Variants in LRP1B observed in about 807,000 individuals in gnomAD.
LRP1B encodes LDL receptor related protein 1B, also known as low-density lipoprotein receptor-related protein 1B.
LRP1B carries 217 observed loss-of-function variants against 556.6 expected under a neutral mutation model. The observed-to-expected ratio is 0.39, with a 90% CI of 0.35 to 0.44. The LOEUF (loss-of-function observed/expected upper bound fraction) is 0.44, where lower values mean the gene tolerates loss of function less well. LRP1B is among the 20% of genes least tolerant of loss of function. LRP1B has a pLI of 1.00. For synonymous variants in LRP1B, 2,047 were observed against 1,865.8 expected (o/e 1.10, Z -2.50); for missense variants, 5,053 against 5,620.8 (o/e 0.90, Z 3.23).
chr2:140,631,096 A>C (rs1559018496), intron 41 of LRP1B, among the ~76,000 whole-genome samples: 1 of 152,198 alleles, frequency 6.6e-6, no homozygotes, highest in Non-Finnish European at 1.5e-5. Flanking sequence ...GCAGAAGAGA[A>C]AAAGACAAGG....
At chr2:141,375,136 A>T (rs1418321015) in intron 3 of LRP1B, among the ~76,000 whole-genome samples, 2 of 152,098 alleles carry the variant, frequency 1.3e-5, no homozygotes, top group South Asian at 4.2e-4. Context: ...CTTCTTTAGC[A>T]ATACACATAG....
At chr2:140,932,361 T>A (rs960787099) in intron 20 of LRP1B, among the ~76,000 whole-genome samples, 8 of 152,082 alleles carry the variant, frequency 5.3e-5, no homozygotes, top group Admixed American at 2.0e-4. Context: ...CACCTGTTTG[T>A]GTAAATAAAG....
chr2:140,966,586 G>T (rs906030737), intron 18 of LRP1B, among the ~76,000 whole-genome samples: 3 of 152,154 alleles, frequency 2.0e-5, no homozygotes, highest in African/African-American at 7.2e-5. Flanking sequence ...TGTTGCCATT[G>T]CTTTTGGTGT....
At chr2:140,799,907 G>A (rs564882482) in intron 32 of LRP1B, among the ~76,000 whole-genome samples, 1 of 152,060 alleles carries the variant, frequency 6.6e-6, no homozygotes, top group African/African-American at 2.4e-5. Flanking sequence ...CGGACAGTGG[G>A]TGCAGGACAG....
intron 84 of LRP1B, among the ~76,000 whole-genome samples, chr2:140,294,607 A>AGG (rs1369732506): frequency 2.6e-5 from 4 of 152,196 alleles, no homozygotes; most frequent in African/African-American, 9.6e-5. Flanking sequence ...GGCTCTATAT[A>AGG]GGGAAGGGCA....
intron 69 of LRP1B, 47 bp from the exon 70 acceptor site, chr2:140,371,332 G>T (rs755817541): frequency 2.9e-6 from 3 of 1,027,350 alleles, no homozygotes; most frequent in South Asian, 3.4e-5. Context: ...AAAAATAACA[G>T]GTTTTAGAAA....
At chr2:141,391,254 C>T (rs1252476810) in intron 3 of LRP1B, among the ~76,000 whole-genome samples, 1 of 152,098 alleles carries the variant, frequency 6.6e-6, no homozygotes, top group Non-Finnish European at 1.5e-5. Flanking sequence ...TAGCCTAGTA[C>T]CTTCTACAGT....
chr2:141,286,250 G>T (rs191016994), intron 3 of LRP1B, among the ~76,000 whole-genome samples: 276 of 152,120 alleles, frequency 1.8e-3, no homozygotes, highest in African/African-American at 6.2e-3. Context: ...ATAGAGTTAA[G>T]TATATTGTAT....
chr2:141,782,003 T>G (rs1695270900), intron 2 of LRP1B, among the ~76,000 whole-genome samples: 1 of 152,210 alleles, frequency 6.6e-6, no homozygotes, highest in African/African-American at 2.4e-5. Flanking sequence ...TCTTTGGAAG[T>G]TGGTCTCTGA....
At chr2:140,292,057 C>T (rs1683411135) in intron 84 of LRP1B, among the ~76,000 whole-genome samples, 1 of 152,060 alleles carries the variant, frequency 6.6e-6, no homozygotes, top group Admixed American at 6.6e-5. Flanking sequence ...TCTCTGATGG[C>T]CAGTGATGAT....
At chr2:140,630,598 T>G (rs1388355557) in intron 41 of LRP1B, among the ~76,000 whole-genome samples, 1 of 152,190 alleles carries the variant, frequency 6.6e-6, no homozygotes, top group Non-Finnish European at 1.5e-5. Context: ...ACTTGCGGTC[T>G]TAGGAGAGCT....
rs922197689 is a variant in LRP1B, at chr2:140,467,718, T to C, written c.9625+7420A>G. Among the ~76,000 whole-genome samples the C allele has an allele frequency of 3.9e-5, 6 of 151,944 alleles. No individual in the cohort carries two copies. In the East Asian group the frequency reaches 7.7e-4, roughly 20 times the overall value. ...TGAGTGAAACTGACACAGAAATTGA[T>C]TGAATTGTGTTTGCATCCTAGTGTT... On this transcript the variant is annotated intron_variant, in intron 60 of 90. Transcript: ENST00000389484.
At chr2:141,366,687 TAAGTA>T (rs1689046906) in intron 3 of LRP1B, among the ~76,000 whole-genome samples, 1 of 152,236 alleles carries the variant, frequency 6.6e-6, no homozygotes, top group South Asian at 2.1e-4. Context: ...TAGCCATTCT[TAAGTA>T]AAGGAGATTC....
chr2:140,556,286 CACCCTAATCTGCCCTAT>C (rs1423115091), intron 43 of LRP1B, among the ~76,000 whole-genome samples: 1 of 151,986 alleles, frequency 6.6e-6, no homozygotes, highest in African/African-American at 2.4e-5. Context: ...GAGGAAAGGA[CACCCTAATCTGCCCTAT>C]ACTTGGAGGA....
intron 7 of LRP1B, among the ~76,000 whole-genome samples, chr2:141,109,829 T>A (rs1700703243): frequency 6.6e-6 from 1 of 152,090 alleles, no homozygotes; most frequent in African/African-American, 2.4e-5. Context: ...AAAATGCAAA[T>A]AAACCCTGTC....
chr2:140,825,088 A>T (rs1481525610), intron 31 of LRP1B, among the ~76,000 whole-genome samples: 1 of 152,132 alleles, frequency 6.6e-6, no homozygotes, highest in East Asian at 1.9e-4. Context: ...CTAAAAAGTA[A>T]AATACAGTCC....
chr2:140,884,025 CA>C lies in LRP1B; in HGVS notation c.3965-5del, dbSNP rs1693557275. 6.2e-7 allele frequency: 1 copy of C among 1,611,962 alleles called. No homozygotes were observed. Among genetic ancestry groups the C allele is most frequent in the Admixed American group, 1.7e-5 (1 of 59,944 alleles). On this transcript the variant is annotated splice_polypyrimidine_tract_variant and splice_region_variant and intron_variant, in intron 24 of 90. Coordinates refer to ENST00000389484, the MANE Select transcript of LRP1B (RefSeq NM_018557.3). ...ACCACTTCAATGGCACTGACACCTA[CA>C]AAAGAAGGAAAACCAACATGTGCAC...
chr2:140,604,161 G>A (rs1265068875), intron 41 of LRP1B, among the ~76,000 whole-genome samples: 1 of 150,622 alleles, frequency 6.6e-6, no homozygotes, highest in East Asian at 2.0e-4. Context: ...CAAGGATGTA[G>A]AATAGGCATA....
chr2:140,479,763 T>A (rs11884532), intron 59 of LRP1B, among the ~76,000 whole-genome samples: 7,256 of 152,274 alleles, frequency 0.048, 210 homozygotes, highest in African/African-American at 0.052. Context: ...GGATAGATTT[T>A]AAAAATTGGT....
Sources: allele counts gnomAD v4.1 joint callset (sites outside exome capture counted in the v4.1 genomes callset), GRCh38; gene constraint gnomAD v4.1.1; transcripts MANE v1.5; gene names NCBI Gene and HGNC (gene_info 2026-07-23, HGNC 2026-07-21).